Variants in ATP6V1G3 observed in about 807,000 individuals in gnomAD.
ATP6V1G3 encodes the protein ATPase H+ transporting V1 subunit G3, also known as V-type proton ATPase subunit G 3.
Under a neutral mutation model 9.3 loss-of-function variants are expected in ATP6V1G3, and 9 were observed. The ratio of observed to expected loss-of-function variants is 0.97; its 90% CI spans 0.59 to 1.69. The LOEUF (loss-of-function observed/expected upper bound fraction) is 1.69. Ranked by LOEUF, ATP6V1G3 falls within the 40% of genes most tolerant of loss-of-function variation. The pLI is 0.00. For missense variants in ATP6V1G3, 133 were observed against 139.0 expected, an observed-to-expected ratio of 0.96 and a Z score of 0.22; for synonymous variants, 43 against 43.8, an observed-to-expected ratio of 0.98 and a Z score of 0.07.
chr1:198,528,114 A>T (rs1659737216), intron 2 of ATP6V1G3, among the ~76,000 whole-genome samples: 1 of 152,106 alleles, frequency 6.6e-6, no homozygotes, highest in South Asian at 2.1e-4. Context: ...CCAATCATGG[A>T]GTGTTGTATG....
At chr1:198,524,409 C>T (rs531832243) in intron 2 of ATP6V1G3, among the ~76,000 whole-genome samples, 28 of 152,302 alleles carry the variant, frequency 1.8e-4, no homozygotes, top group African/African-American at 6.3e-4. Flanking sequence ...AAGTGTGAGT[C>T]ACAGCGCCTG....
intron 1 of ATP6V1G3, among the ~76,000 whole-genome samples, chr1:198,531,701 G>A (rs961444995): frequency 6.6e-6 from 1 of 152,072 alleles, no homozygotes; most frequent in African/African-American, 2.4e-5. Flanking sequence ...TCCCAATGGA[G>A]AAGATAGGAT....
chr1:198,540,759 C>A (rs1234455839), upstream of ATP6V1G3: 16 of 1,152,904 alleles, frequency 1.4e-5, no homozygotes, highest in South Asian at 2.0e-4. Flanking sequence ...ACAGCAAGTT[C>A]CAAATGCAGC....
chr1:198,525,404 T>C (rs964871131), intron 2 of ATP6V1G3, among the ~76,000 whole-genome samples: 3 of 152,168 alleles, frequency 2.0e-5, no homozygotes, highest in Non-Finnish European at 4.4e-5. Context: ...TTTGGAAAAG[T>C]TAATCTCAAG....
intron 1 of ATP6V1G3, among the ~76,000 whole-genome samples, chr1:198,535,882 T>C (rs999590802): frequency 2.6e-5 from 4 of 152,126 alleles, no homozygotes; most frequent in Admixed American, 6.6e-5. Context: ...CCATACTATT[T>C]TGGGAGAAAG....
chr1:198,536,534 A>C lies in ATP6V1G3; in HGVS notation c.82+4035T>G, dbSNP rs1439452475. 5.3e-6 allele frequency: 3 copies of C among 567,742 alleles called. No homozygotes were observed. The South Asian group carries it at 9.3e-5, about 18-fold the overall frequency. 35.2% of individuals were successfully genotyped at this position (567,742 alleles called of 1,614,324 possible). On this transcript the variant is annotated intron_variant, in intron 1 of 2. Transcript: ENST00000367382. ...GAATCTAGGTAAGATAATTTAAAGT[A>C]GTGCAAACTACTGTGATTTCATCTA...
intron 2 of ATP6V1G3, among the ~76,000 whole-genome samples, chr1:198,524,117 T>C (rs1480456539): frequency 1.5e-5 from 2 of 132,280 alleles, no homozygotes; most frequent in Non-Finnish European, 3.1e-5. Flanking sequence ...TACTTTTATA[T>C]GCACAATTTT....
chr1:198,534,867 T>C (rs1026655769), intron 1 of ATP6V1G3, among the ~76,000 whole-genome samples: 9 of 152,130 alleles, frequency 5.9e-5, no homozygotes, highest in African/African-American at 2.2e-4. Context: ...ACCAACCTGA[T>C]TCAAAGAATG....
intron 1 of ATP6V1G3, 104 bp from the exon 2 acceptor site, chr1:198,529,285 A>T: frequency 7.7e-6 from 2 of 259,118 alleles, no homozygotes; most frequent in Non-Finnish European, 1.3e-5. Context: ...TAACAACTGT[A>T]CATATATGTT....
chr1:198,535,959 ATTTG>A (rs1426796758), intron 1 of ATP6V1G3, among the ~76,000 whole-genome samples: 1 of 151,608 alleles, frequency 6.6e-6, no homozygotes, highest in Non-Finnish European at 1.5e-5. Flanking sequence ...TAATATAGCT[ATTTG>A]TTCCATTTTT....
rs184047928 is a variant in ATP6V1G3, at chr1:198,532,979, G to C, written c.83-3798C>G. Reference sequence around the variant, plus strand: ...ATACTAAATTCATGAAGGGTTCTTAGCCAAGGCATGACATAATACTACTTG... The same window carrying C: ...ATACTAAATTCATGAAGGGTTCTTACCCAAGGCATGACATAATACTACTTG... On this transcript the variant is annotated intron_variant, in intron 1 of 2. Transcript: ENST00000367382. 2.0e-5 allele frequency among the ~76,000 whole-genome samples: 3 copies of C among 152,252 alleles called. No homozygotes were observed. The East Asian group carries it at 5.8e-4, about 29-fold the overall frequency.
intron 1 of ATP6V1G3, among the ~76,000 whole-genome samples, chr1:198,533,651 A>G (rs1659996567): frequency 1.3e-5 from 2 of 152,196 alleles, no homozygotes; most frequent in Non-Finnish European, 2.9e-5. Flanking sequence ...CAGGGAAGCA[A>G]CGAGTGCTGG....
intron 1 of ATP6V1G3, among the ~76,000 whole-genome samples, chr1:198,538,891 C>CAAAAAAAAAAAAAAAAAAAA (rs71569596): frequency 7.2e-5 from 7 of 97,358 alleles, no homozygotes; most frequent in African/African-American, 3.1e-4. Context: ...GACCCTGTCT[C>CAAAAAAAAAAAAAAAAAAAA]AAAAAAAAAA....
At chr1:198,540,156 A>G (rs1660289433) in intron 1 of ATP6V1G3, among the ~76,000 whole-genome samples, 1 of 152,234 alleles carries the variant, frequency 6.6e-6, no homozygotes, top group African/African-American at 2.4e-5. Context: ...GAGAGGGATG[A>G]GAATGAGCCA....
At chr1:198,530,010 G>A (rs1179710712) in intron 1 of ATP6V1G3, among the ~76,000 whole-genome samples, 1 of 152,014 alleles carries the variant, frequency 6.6e-6, no homozygotes, top group African/African-American at 2.4e-5. Flanking sequence ...TTTGGGGGGG[G>A]TTACAGACAA....
chr1:198,532,723 G>C (rs962829920), intron 1 of ATP6V1G3, among the ~76,000 whole-genome samples: 1 of 152,144 alleles, frequency 6.6e-6, no homozygotes. Context: ...TGAAGGGGGA[G>C]AGTCTTCCAG....
intron 1 of ATP6V1G3, chr1:198,536,820 CAT>C (rs879794092): frequency 1.7e-4 from 167 of 971,188 alleles, no homozygotes; most frequent in South Asian, 7.7e-4. Flanking sequence ...AAATACATGA[CAT>C]ATATTAAAAA....
At chr1:198,530,503 C>A (rs1303176138) in intron 1 of ATP6V1G3, among the ~76,000 whole-genome samples, 1 of 152,098 alleles carries the variant, frequency 6.6e-6, no homozygotes, top group Non-Finnish European at 1.5e-5. Flanking sequence ...TATCTACCAC[C>A]CTTGAATGGA....
intron 1 of ATP6V1G3, among the ~76,000 whole-genome samples, chr1:198,531,330 C>T (rs1439977917): frequency 6.6e-6 from 1 of 152,176 alleles, no homozygotes; most frequent in African/African-American, 2.4e-5. Flanking sequence ...AAAATGCACA[C>T]TTCAAATCCA....
Sources: allele counts gnomAD v4.1 joint callset (sites outside exome capture counted in the v4.1 genomes callset), GRCh38; gene constraint gnomAD v4.1.1; transcripts MANE v1.5; gene names NCBI Gene and HGNC (gene_info 2026-07-23, HGNC 2026-07-21).